Variants in TEKT5 observed in about 807,000 individuals in gnomAD.
TEKT5 encodes tektin-5.
A neutral mutation model predicts 48.7 loss-of-function variants in TEKT5; 52 were observed. The observed-to-expected ratio is 1.07, with a 90% confidence interval of 0.86 to 1.35. TEKT5 has a LOEUF of 1.35. Ranked by LOEUF, TEKT5 falls within the 40% of genes most tolerant of loss-of-function variation. The pLI is 0.00. For missense variants in TEKT5, 831 were observed against 641.6 expected (o/e 1.30, Z -3.19); for synonymous variants, 318 against 267.6 (o/e 1.19, Z -1.84).
chr16:10,647,754 T>C (rs535419499), intron 5 of TEKT5, among the ~76,000 whole-genome samples: 2 of 152,342 alleles, frequency 1.3e-5, no homozygotes, highest in African/African-American at 2.4e-5. Context: ...GAAGAGCTAA[T>C]ACTCATTCAT....
chr16:10,652,777 C>G (rs1407033771), intron 5 of TEKT5, among the ~76,000 whole-genome samples: 6 of 109,290 alleles, frequency 5.5e-5, no homozygotes, highest in African/African-American at 2.4e-4. Flanking sequence ...CACACACACA[C>G]ACACACACAC....
At chr16:10,628,253 G>C (rs1897784899) in intron 6 of TEKT5, among the ~76,000 whole-genome samples, 1 of 152,190 alleles carries the variant, frequency 6.6e-6, no homozygotes, top group African/African-American at 2.4e-5. Context: ...GGCCCTCCAG[G>C]GGAAGGCAGA....
chr16:10,672,137 C>T (rs1056870432), intron 5 of TEKT5, among the ~76,000 whole-genome samples: 3 of 151,888 alleles, frequency 2.0e-5, no homozygotes, highest in Admixed American at 1.3e-4. Context: ...GAACTGTACA[C>T]TTAAGAGTGG....
At chr16:10,678,607 T>C (rs1241347322) in intron 4 of TEKT5, among the ~76,000 whole-genome samples, 1 of 152,112 alleles carries the variant, frequency 6.6e-6, no homozygotes, top group African/African-American at 2.4e-5. Flanking sequence ...GAGTGAAGCA[T>C]CTTGTTCAAG....
chr16:10,635,872 T>C lies in TEKT5; in HGVS notation c.1133A>G (p.Glu378Gly), dbSNP rs1194741698. The stretch of plus-strand genomic sequence containing the variant: ...GCCCTCCTTGGCCATGATGGACCTT[T>C]CCAGCAGCATGATGGTGTTCTCGGC... ...FQAENTIMLLERSIMAKEGPL... is the reference protein window; with the variant it reads ...FQAENTIMLLGRSIMAKEGPL... The change falls in exon 6 of 7, where the codon GAA becomes GGA. Residue 378 changes from glutamate (E) to glycine (G), a missense_variant. Physicochemically the swap from Glu to Gly is moderately conservative, Grantham distance 98 (BLOSUM62 -2). Coordinates refer to ENST00000283025, the MANE Select transcript of TEKT5 (RefSeq NM_144674.2). 1 of 1,614,138 alleles carries C rather than the reference T, an allele frequency of 6.2e-7. No individual in the cohort carries two copies. The highest frequency in any genetic ancestry group is 1.3e-5 in the African/African-American group (1 of 75,038).
intron 5 of TEKT5, among the ~76,000 whole-genome samples, chr16:10,668,551 A>T (rs1054334990): frequency 3.6e-4 from 55 of 152,188 alleles, no homozygotes; most frequent in African/African-American, 1.3e-3. Context: ...TTGGACAAAC[A>T]GAGGGGTTGG....
chr16:10,649,141 T>C (rs935598484), intron 5 of TEKT5, among the ~76,000 whole-genome samples: 2 of 151,994 alleles, frequency 1.3e-5, no homozygotes, highest in African/African-American at 4.8e-5. Flanking sequence ...TTTGTAGAAA[T>C]TGGATCTCAC....
chr16:10,665,448 G>A (rs940154045), intron 5 of TEKT5, among the ~76,000 whole-genome samples: 1 of 152,156 alleles, frequency 6.6e-6, no homozygotes, highest in African/African-American at 2.4e-5. Flanking sequence ...CACAAAATGA[G>A]CTAGAAACAG....
chr16:10,682,081 C>T lies in TEKT5; in HGVS notation c.775G>A (p.Ala259Thr). The T allele has an allele frequency of 6.2e-7, 1 of 1,614,180 alleles. No individual in the cohort carries two copies. ...LERDLEDKSSAQCIDEKCFNL... is the reference protein window; with the variant it reads ...LERDLEDKSSTQCIDEKCFNL... ...AAGCACTTCTCATCGATACACTGGG[C>T]CGAGCTTTTGTCTTCGAGGTCCCTC... The change falls in exon 4 of 7, where the codon GCC becomes ACC. Residue 259 changes from alanine to threonine, a missense_variant. By Grantham distance (58) the Ala-to-Thr change is moderately conservative (BLOSUM62 0). Coordinates refer to ENST00000283025, the MANE Select transcript of TEKT5 (RefSeq NM_144674.2).
chr16:10,683,862 G>C (rs1898805282), intron 3 of TEKT5, among the ~76,000 whole-genome samples: 1 of 152,096 alleles, frequency 6.6e-6, no homozygotes, highest in African/African-American at 2.4e-5. Context: ...CAAAGTGCTG[G>C]GATTATAGGC....
chr16:10,645,983 A>C, intron 5 of TEKT5, among the ~76,000 whole-genome samples: 1 of 151,822 alleles, frequency 6.6e-6, no homozygotes, highest in East Asian at 1.9e-4. Context: ...AAAAAAGAAA[A>C]ACTGGCCAGG....
chr16:10,681,697 G>A lies in TEKT5; in HGVS notation c.863+296C>T, dbSNP rs542477573. Among the ~76,000 whole-genome samples the A allele has an allele frequency of 9.2e-5, 14 of 152,004 alleles. No individual in the cohort carries two copies. In the East Asian group the frequency reaches 1.9e-3, roughly 21 times the overall value. ...CTTCCTGAAATTTGGATCTTGAATG[G>A]TGGGGCAAGGATGGAAAGATGAAGG... On this transcript the variant is annotated intron_variant, in intron 4 of 6. Transcript: ENST00000283025.
chr16:10,691,315 A>G (rs1898972014), intron 1 of TEKT5: 1 of 152,296 alleles, frequency 6.6e-6, no homozygotes, highest in Non-Finnish European at 1.5e-5. Flanking sequence ...ACAGACAAAG[A>G]CCCTGTCTCA....
Position 10,689,900 on chromosome 16 carries a change from C to T in TEKT5, c.648+42G>A, listed in dbSNP as rs537928485. 4.6e-5 allele frequency: 74 copies of T among 1,602,670 alleles called. 1 individual carries two copies. In the South Asian group the frequency reaches 5.4e-4, roughly 12 times the overall value. ...AATTTCTCTGACCTGCTGGCCTTCCCGCCTCCTTCAGGGGGCTGGGCAGAA... is the reference window on the plus strand; with the variant it reads ...AATTTCTCTGACCTGCTGGCCTTCCTGCCTCCTTCAGGGGGCTGGGCAGAA... On this transcript the variant is annotated intron_variant, in intron 2 of 6. Transcript: ENST00000283025.
At chr16:10,659,580 CAT>C (rs1490599431) in intron 5 of TEKT5, among the ~76,000 whole-genome samples, 1 of 152,124 alleles carries the variant, frequency 6.6e-6, no homozygotes, top group Non-Finnish European at 1.5e-5. Context: ...GGGGTTTCAC[CAT>C]GTTAGCCTGA....
chr16:10,682,244 C>G, intron 3 of TEKT5, 108 bp from the exon 4 acceptor site: 1 of 1,325,208 alleles, frequency 7.5e-7, no homozygotes, highest in Non-Finnish European at 1.0e-6. Context: ...GAAAGCCACC[C>G]AGTAGCTTCT....
At chr16:10,666,908 G>C (rs1231074523) in intron 5 of TEKT5, among the ~76,000 whole-genome samples, 1 of 152,076 alleles carries the variant, frequency 6.6e-6, no homozygotes, top group African/African-American at 2.4e-5. Context: ...CACTGATGCA[G>C]GGGTAACTAT....
At chr16:10,674,297 C>T (rs76655408) in intron 5 of TEKT5, among the ~76,000 whole-genome samples, 1 of 152,048 alleles carries the variant, frequency 6.6e-6, no homozygotes, top group Non-Finnish European at 1.5e-5. Flanking sequence ...CTCACCCACC[C>T]TTGCTCCCTC....
chr16:10,658,432 A>G (rs990861890), intron 5 of TEKT5, among the ~76,000 whole-genome samples: 2 of 152,196 alleles, frequency 1.3e-5, no homozygotes, highest in Admixed American at 1.3e-4. Context: ...TAACACACAC[A>G]TACCAATACA....
Sources: gnomAD v4.1 joint callset for allele counts (sites outside exome capture counted in the v4.1 genomes callset) on GRCh38, gnomAD v4.1.1 for gene constraint, MANE v1.5 for transcripts, NCBI Gene and HGNC (gene_info 2026-07-23, HGNC 2026-07-21) for gene names.